COL14A1: variants seen among roughly 807,000 people sequenced by gnomAD.
COL14A1 encodes collagen alpha-1(XIV) chain.
Under a neutral mutation model 230.3 loss-of-function variants are expected in COL14A1, and 136 were observed. That is an observed-to-expected ratio of 0.59 (90% CI 0.51 to 0.68). The LOEUF (loss-of-function observed/expected upper bound fraction) is 0.68. Among genes scored for constraint, COL14A1 ranks in the 30% least tolerant of loss-of-function variants. COL14A1 has a pLI of 0.00. For synonymous variants in COL14A1, 792 were observed against 784.1 expected (o/e 1.01, Z -0.17); for missense variants, 1,976 against 2,215.8 (o/e 0.89, Z 2.17).
intron 26 of COL14A1, among the ~76,000 whole-genome samples, chr8:120,272,193 C>T (rs116826863): frequency 0.016 from 2,360 of 151,716 alleles, 60 homozygotes; most frequent in African/African-American, 0.053. Context: ...TCCAGCAAAA[C>T]TAAGTTTTAT....
chr8:120,150,249 A>G (rs1815237947), intron 2 of COL14A1, among the ~76,000 whole-genome samples: 1 of 152,122 alleles, frequency 6.6e-6, no homozygotes, highest in South Asian at 2.1e-4. Flanking sequence ...TTTGAGAAAA[A>G]CACTCTAATA....
chr8:120,175,486 T>C (rs1179468524), intron 5 of COL14A1, among the ~76,000 whole-genome samples: 1 of 152,178 alleles, frequency 6.6e-6, no homozygotes, highest in Non-Finnish European at 1.5e-5. Flanking sequence ...TACGGTGATA[T>C]AAGGGGTGAC....
chr8:120,355,867 G>T (rs763980677), intron 45 of COL14A1, among the ~76,000 whole-genome samples: 5 of 152,070 alleles, frequency 3.3e-5, no homozygotes, highest in Non-Finnish European at 5.9e-5. Context: ...ATTTATATCT[G>T]GTTTATCTTA....
intron 36 of COL14A1, among the ~76,000 whole-genome samples, chr8:120,302,637 C>A (rs7844938): frequency 0.54 from 82,142 of 151,996 alleles, 24,000 homozygotes; most frequent in African/African-American, 0.79. Flanking sequence ...GTTTTGATTA[C>A]CATAGCCCTA....
At chr8:120,359,013 T>G (rs1823088123) in intron 45 of COL14A1, among the ~76,000 whole-genome samples, 1 of 152,146 alleles carries the variant, frequency 6.6e-6, no homozygotes, top group South Asian at 2.1e-4. Flanking sequence ...CTGAACTTCT[T>G]TGCTAGTTTG....
At chr8:120,195,306 C>G (rs1389634011) in intron 5 of COL14A1, among the ~76,000 whole-genome samples, 1 of 151,776 alleles carries the variant, frequency 6.6e-6, no homozygotes, top group Non-Finnish European at 1.5e-5. Context: ...TTTTGGTTTT[C>G]ATTATATATG....
At chr8:120,360,134 C>T (rs572217980) in intron 45 of COL14A1, among the ~76,000 whole-genome samples, 27 of 152,268 alleles carry the variant, frequency 1.8e-4, no homozygotes, top group African/African-American at 6.3e-4. Flanking sequence ...AACCTGTTTT[C>T]CTCTGGCTTT....
chr8:120,297,549 A>G lies in COL14A1; in HGVS notation c.4275A>G (p.Ser1425=). The change falls in exon 35 of 48, where the codon TCA becomes TCG. Residue 1425 remains serine (S), a synonymous_variant. Coordinates refer to ENST00000297848, the MANE Select transcript of COL14A1 (RefSeq NM_021110.4). ...LQMFDIVCST[S]WANTDKCCEL... is the part of the protein sequence containing the mutation. ...TGTTTGATATTGTTTGCTCCACATCATGGGCCAATACAGACAAATGCTGTG... is the reference window on the plus strand; with the variant it reads ...TGTTTGATATTGTTTGCTCCACATCGTGGGCCAATACAGACAAATGCTGTG... The G allele has an allele frequency of 1.4e-6, 2 of 1,462,918 alleles. No individual in the cohort carries two copies. The highest frequency in any genetic ancestry group is 2.6e-5 in the East Asian group (1 of 38,238). The allele number at this position is 1,462,918 out of a possible 1,614,324, so 90.6% of individuals were successfully genotyped here. A position where few individuals can be genotyped will look rare whatever the true frequency, so the allele number is the denominator to read the frequency against.
chr8:120,141,641 A>C (rs944900184), intron 1 of COL14A1, among the ~76,000 whole-genome samples: 2 of 152,172 alleles, frequency 1.3e-5, no homozygotes, highest in African/African-American at 4.8e-5. Flanking sequence ...TTTCCAAAAA[A>C]ATTGCCAAGA....
intron 40 of COL14A1, among the ~76,000 whole-genome samples, chr8:120,324,678 C>T (rs992931904): frequency 2.6e-5 from 4 of 152,206 alleles, no homozygotes; most frequent in South Asian, 4.2e-4. Context: ...CCACTCTAAC[C>T]GAGAGTGTAG....
At chr8:120,323,657 C>G (rs1246258879) in intron 40 of COL14A1, among the ~76,000 whole-genome samples, 1 of 152,072 alleles carries the variant, frequency 6.6e-6, no homozygotes, top group Non-Finnish European at 1.5e-5. Context: ...AACCCAGAAC[C>G]ATTTATTGAA....
intron 19 of COL14A1, among the ~76,000 whole-genome samples, chr8:120,241,760 G>A (rs1818615183): frequency 6.6e-6 from 1 of 152,100 alleles, no homozygotes; most frequent in Non-Finnish European, 1.5e-5. Flanking sequence ...TGGAGTAGAG[G>A]ACAAAGGCCC....
intron 34 of COL14A1, among the ~76,000 whole-genome samples, chr8:120,290,006 G>A (rs1820324980): frequency 1.3e-5 from 2 of 152,052 alleles, no homozygotes; most frequent in Admixed American, 1.3e-4. Context: ...GTATTATATG[G>A]AATATGCATT....
chr8:120,261,672 A>G (rs1229287009), intron 23 of COL14A1, among the ~76,000 whole-genome samples: 1 of 152,158 alleles, frequency 6.6e-6, no homozygotes, highest in Non-Finnish European at 1.5e-5. Context: ...AAAGACAGAG[A>G]AGGTGCCATA....
intron 5 of COL14A1, among the ~76,000 whole-genome samples, chr8:120,180,663 A>C (rs1816431627): frequency 6.7e-6 from 1 of 149,324 alleles, no homozygotes. Flanking sequence ...CCAGAATTAC[A>C]TAATAGTGAG....
intron 5 of COL14A1, among the ~76,000 whole-genome samples, chr8:120,175,442 G>A (rs967863601): frequency 2.2e-4 from 34 of 151,752 alleles, no homozygotes; most frequent in African/African-American, 6.3e-4. Flanking sequence ...TCTTTGTTTT[G>A]TTTTTAATGG....
rs1179491823 is a variant in COL14A1, at chr8:120,300,810, G to C, written c.4393G>C (p.Gly1465Arg). ...ETNEVALGPA[G>R]PPGGPGLRGP... ...CAATGAAGTGGCTCTGGGACCAGCG[G>C]GCCCACCAGTAAGTCTTGCTGAGTT... Residue 1465 changes from glycine to arginine, a missense_variant, in exon 36 of 48, where the codon GGC becomes CGC. By Grantham distance (125) the Gly-to-Arg change is moderately radical. Transcript: ENST00000297848. The C allele has an allele frequency of 6.2e-7, 1 of 1,613,088 alleles. No homozygotes were observed.
intron 34 of COL14A1, among the ~76,000 whole-genome samples, chr8:120,293,529 C>T (rs1820435054): frequency 6.6e-6 from 1 of 151,722 alleles, no homozygotes; most frequent in Non-Finnish European, 1.5e-5. Context: ...TTGCATCTTC[C>T]CTACTCTGTA....
At chr8:120,200,766 T>TATATATATA (rs1817223836) in intron 8 of COL14A1, among the ~76,000 whole-genome samples, 16 of 121,336 alleles carry the variant, frequency 1.3e-4, no homozygotes, top group South Asian at 2.7e-4. Flanking sequence ...TATATATATA[T>TATATATATA]TATTTTTCAT....
Sources: gnomAD v4.1 joint callset for allele counts (sites outside exome capture counted in the v4.1 genomes callset) on GRCh38, gnomAD v4.1.1 for gene constraint, MANE v1.5 for transcripts, NCBI Gene and HGNC (gene_info 2026-07-23, HGNC 2026-07-21) for gene names.